Variants in MYH11 observed in about 807,000 individuals in gnomAD.
The protein encoded by MYH11 is myosin heavy chain 11.
In MYH11, 80 loss-of-function variants were observed where a neutral mutation model predicts 246.6. The ratio of observed to expected loss-of-function variants is 0.32; its 90% CI spans 0.27 to 0.39. The LOEUF (loss-of-function observed/expected upper bound fraction) is 0.39, where lower values mean the gene tolerates loss of function less well. Among genes scored for constraint, MYH11 ranks in the 10% least tolerant of loss-of-function variants. The pLI, the probability that MYH11 is intolerant of heterozygous loss-of-function variation, is 1.00. For missense variants in MYH11, 2,158 were observed against 2,546.8 expected (o/e 0.85, Z 3.29); for synonymous variants, 1,071 against 1,015.5 (o/e 1.05, Z -1.04).
intron 14 of MYH11, among the ~76,000 whole-genome samples, chr16:15,754,975 C>T (rs2041672823): frequency 6.6e-6 from 1 of 152,166 alleles, no homozygotes; most frequent in Non-Finnish European, 1.5e-5. Context: ...CACACCCAGC[C>T]AAGTCATACA....
At chr16:15,831,830 T>G (rs1021065788) in intron 2 of MYH11, among the ~76,000 whole-genome samples, 1 of 151,878 alleles carries the variant, frequency 6.6e-6, no homozygotes, top group Non-Finnish European at 1.5e-5. Flanking sequence ...TCCCAGCTAC[T>G]GGGAGGCTGA....
In MYH11 at chr16:15,742,015, T is replaced by C. The variant is rs556242999; in HGVS notation, c.2521-124A>G. On this transcript the variant is annotated intron_variant, in intron 20 of 40. Transcript: ENST00000300036. ...CCCCACCGATCCCCACTAGGGGATA[T>C]TGTCTGGAGACACTGCTGATTGTCA... 21 of 1,391,786 alleles carry C rather than the reference T, an allele frequency of 1.5e-5. No homozygotes were observed. In the African/African-American group the frequency reaches 1.7e-4, roughly 11 times the overall value. The allele number at this position is 1,391,786 out of a possible 1,614,324, so 86.2% of individuals were successfully genotyped here. A position where few individuals can be genotyped will look rare whatever the true frequency, so the allele number is the denominator to read the frequency against.
At chr16:15,729,257 G>A (rs1480599048) in intron 27 of MYH11, among the ~76,000 whole-genome samples, 6 of 152,122 alleles carry the variant, frequency 3.9e-5, no homozygotes, top group Admixed American at 3.9e-4. Context: ...AGGAGCTGAT[G>A]TTAAACGTTT....
At chr16:15,772,179 C>A (rs2042118779) in intron 8 of MYH11, among the ~76,000 whole-genome samples, 1 of 150,782 alleles carries the variant, frequency 6.6e-6, no homozygotes, top group Non-Finnish European at 1.5e-5. Context: ...GCAACCTCCG[C>A]CTCCCAGGTT....
chr16:15,794,035 C>T (rs1169597439), intron 4 of MYH11, among the ~76,000 whole-genome samples: 1 of 149,382 alleles, frequency 6.7e-6, no homozygotes, highest in Non-Finnish European at 1.5e-5. Flanking sequence ...GCCCCGCCCC[C>T]CAGGTTCACA....
chr16:15,773,651 CCT>C (rs1234728321), intron 8 of MYH11, among the ~76,000 whole-genome samples: 1 of 152,042 alleles, frequency 6.6e-6, no homozygotes, highest in African/African-American at 2.4e-5. Flanking sequence ...AATCTGGTCC[CCT>C]GTTGTTTTTG....
rs1488895814 is a variant in MYH11, at chr16:15,750,766, G to C, written c.1865-435C>G. ...AACAAATAGTTATTGAGGACCTTCT[G>C]TGCTCCAGGCCCTGGGGACACTGCT... is the stretch of plus-strand genomic sequence containing the variant. On this transcript the variant is annotated intron_variant, in intron 15 of 40. Transcript: ENST00000300036. This position sits in a 1 kb window ranked among gnomAD's most constrained non-coding sequence, Gnocchi z 4.3. Among the ~76,000 whole-genome samples, 2 of 152,092 alleles carry C rather than the reference G, an allele frequency of 1.3e-5. No homozygotes were observed.
chr16:15,776,022 T>A (rs942331379), intron 8 of MYH11, 56 bp downstream of exon 8: 1 of 1,291,396 alleles, frequency 7.7e-7, no homozygotes, highest in Non-Finnish European at 1.1e-6. Flanking sequence ...AACCCCGGAT[T>A]CTGATGAAAG....
At position 15,715,206 on chromosome 16, in the gene MYH11, C is replaced by T; in HGVS notation, c.5571G>A (p.Gln1857=). ...KDKKLKEILL[Q]VEDERKMAEQ... is the part of the protein sequence containing the mutation. ...CGGCCATCTTGCGCTCGTCCTCCACCTGCAGCAAGATTTCCTTCAGCTTCT... is the reference window on the plus strand; with the variant it reads ...CGGCCATCTTGCGCTCGTCCTCCACTTGCAGCAAGATTTCCTTCAGCTTCT... Residue 1857 remains glutamine (Q), a synonymous_variant, in exon 39 of 41, where the codon CAG becomes CAA. Coordinates refer to ENST00000300036, the MANE Select transcript of MYH11 (RefSeq NM_002474.3). 1.9e-6 allele frequency: 3 copies of T among 1,614,134 alleles called. No individual in the cohort carries two copies. Among genetic ancestry groups the T allele is most frequent in the Non-Finnish European group, 2.5e-6 (3 of 1,180,046 alleles).
intron 3 of MYH11, 104 bp downstream of exon 3, chr16:15,823,151 C>T: frequency 6.7e-7 from 1 of 1,495,026 alleles, no homozygotes; most frequent in Non-Finnish European, 9.2e-7. Flanking sequence ...ACTCCTGGTC[C>T]CTCGCAGTGC....
chr16:15,759,430 T>C (rs914825374), intron 12 of MYH11, 146 bp downstream of exon 12: 11 of 1,039,548 alleles, frequency 1.1e-5, no homozygotes, highest in East Asian at 2.4e-5. Flanking sequence ...CTGTCTCTTA[T>C]ACCCTCAATG....
chr16:15,717,013 G>A (rs1343058714), intron 38 of MYH11, 127 bp downstream of exon 38: 7 of 1,014,590 alleles, frequency 6.9e-6, no homozygotes, highest in African/African-American at 1.6e-5. Flanking sequence ...TACCTGCACT[G>A]TAGGCATCAC....
chr16:15,763,741 T>TCCCGCCCCCCCCCCCCCC, intron 10 of MYH11, 55 bp downstream of exon 10: 1 of 646,860 alleles, frequency 1.5e-6, no homozygotes, highest in Non-Finnish European at 2.9e-6. Flanking sequence ...AAATGTCACC[T>TCCCGCCCCCCCCCCCCCC]CCCCCACCCC....
intron 9 of MYH11, among the ~76,000 whole-genome samples, chr16:15,768,148 G>C (rs1280152023): frequency 6.6e-6 from 1 of 152,056 alleles, no homozygotes; most frequent in Non-Finnish European, 1.5e-5. Context: ...TTGTTTTAAG[G>C]CATCAAGTTT....
At chr16:15,763,741 T>TCCGGCCCCCCCCCCCCCCC in intron 10 of MYH11, 55 bp downstream of exon 10, 2 of 646,858 alleles carry the variant, frequency 3.1e-6, no homozygotes, top group Non-Finnish European at 2.9e-6. Flanking sequence ...AAATGTCACC[T>TCCGGCCCCCCCCCCCCCCC]CCCCCACCCC....
intron 26 of MYH11, chr16:15,732,975 T>C (rs2041010969): frequency 1.8e-5 from 10 of 554,994 alleles, no homozygotes; most frequent in Non-Finnish European, 9.7e-6. Context: ...AGGATGTCTG[T>C]GAACTGCAAA....
chr16:15,800,527 G>A (rs1020139422), intron 3 of MYH11, among the ~76,000 whole-genome samples: 22 of 151,512 alleles, frequency 1.5e-4, no homozygotes, highest in Non-Finnish European at 2.4e-4. Flanking sequence ...GGAAGGATGA[G>A]TGAGTGGATG....
chr16:15,828,685 C>G (rs975565182), intron 2 of MYH11, among the ~76,000 whole-genome samples: 1 of 149,964 alleles, frequency 6.7e-6, no homozygotes, highest in African/African-American at 2.5e-5. Flanking sequence ...CCCAGCTAGT[C>G]GGGAGGCCGA....
At chr16:15,825,386 C>CAAA (rs1212947132) in intron 2 of MYH11, among the ~76,000 whole-genome samples, 149 of 59,168 alleles carry the variant, frequency 2.5e-3, no homozygotes, top group Non-Finnish European at 2.6e-3. Context: ...CCCCTCTCTA[C>CAAA]AAAAAAAAAA....
Sources: allele counts gnomAD v4.1 joint callset (sites outside exome capture counted in the v4.1 genomes callset), GRCh38; gene constraint gnomAD v4.1.1; non-coding constraint Gnocchi (gnomAD v3.1); transcripts MANE v1.5; gene names NCBI Gene and HGNC (gene_info 2026-07-23, HGNC 2026-07-21).